RAB38: variants seen among roughly 807,000 people sequenced by gnomAD.
RAB38 encodes the protein RAB38, member RAS oncogene family.
RAB38 carries 15 observed loss-of-function variants against 18.4 expected under a neutral mutation model. The observed-to-expected ratio is 0.82, with a 90% confidence interval of 0.55 to 1.26. RAB38 has a LOEUF of 1.26. Among genes scored for constraint, RAB38 ranks in the 50% most tolerant of loss-of-function variants. RAB38 has a pLI of 0.00. For synonymous variants in RAB38, 101 were observed against 104.4 expected, an observed-to-expected ratio of 0.97 and a Z score of 0.20; for missense variants, 294 against 267.4, an observed-to-expected ratio of 1.10 and a Z score of -0.69.
chr11:87,933,373 A>G, the RAB38 span, among the ~76,000 whole-genome samples: 1 of 152,016 alleles, frequency 6.6e-6, no homozygotes, highest in Admixed American at 6.6e-5. Context: ...AGTTGATTTC[A>G]CTCACAGAAT....
chr11:87,905,815 G>A, the RAB38 span, among the ~76,000 whole-genome samples: 2 of 151,944 alleles, frequency 1.3e-5, no homozygotes, highest in Admixed American at 6.6e-5. Context: ...AAGCAATCTA[G>A]AGCTCCTTTT....
At chr11:88,049,152 C>T in the RAB38 span, among the ~76,000 whole-genome samples, 544 of 152,164 alleles carry the variant, frequency 3.6e-3, 6 homozygotes, top group African/African-American at 0.012. Context: ...CTCCATACCA[C>T]CCCAAAAAAA....
the RAB38 span, among the ~76,000 whole-genome samples, chr11:87,901,120 A>C: frequency 6.6e-6 from 1 of 151,658 alleles, no homozygotes; most frequent in Non-Finnish European, 1.5e-5. Flanking sequence ...AATCAATGGA[A>C]GTGATGTTAA....
At chr11:88,073,605 C>T in the RAB38 span, among the ~76,000 whole-genome samples, 5 of 152,034 alleles carry the variant, frequency 3.3e-5, no homozygotes, top group Non-Finnish European at 7.4e-5. Context: ...AATAATCCTT[C>T]AATGAAAAGA....
At chr11:88,118,677 T>A (rs1370066818) in intron 2 of RAB38, among the ~76,000 whole-genome samples, 1 of 152,222 alleles carries the variant, frequency 6.6e-6, no homozygotes, top group East Asian at 1.9e-4. Flanking sequence ...TGGATATCAC[T>A]GTGATTTATT....
At chr11:88,099,260 A>C in the RAB38 span, among the ~76,000 whole-genome samples, 1,335 of 152,024 alleles carry the variant, frequency 8.8e-3, 12 homozygotes, top group Non-Finnish European at 0.014. Flanking sequence ...AAATGGTGAA[A>C]ATGAACTCTT....
At chr11:87,807,995 G>T in the RAB38 span, among the ~76,000 whole-genome samples, 234 of 152,326 alleles carry the variant, frequency 1.5e-3, no homozygotes, top group African/African-American at 5.1e-3. Context: ...TTGACAGAGA[G>T]GAACTGTGTG....
the RAB38 span, among the ~76,000 whole-genome samples, chr11:88,083,257 A>G: frequency 6.6e-6 from 1 of 151,776 alleles, no homozygotes; most frequent in Non-Finnish European, 1.5e-5. Flanking sequence ...TTTTCTTAAT[A>G]TTTCCCCGAA....
the RAB38 span, among the ~76,000 whole-genome samples, chr11:87,804,364 G>A: frequency 6.6e-6 from 1 of 152,082 alleles, no homozygotes; most frequent in Non-Finnish European, 1.5e-5. Flanking sequence ...GGTGTCTTCA[G>A]CACTAGTCTT....
chr11:88,045,257 C>T, the RAB38 span, among the ~76,000 whole-genome samples: 1 of 152,182 alleles, frequency 6.6e-6, no homozygotes, highest in Non-Finnish European at 1.5e-5. Context: ...GGCCCCCAAA[C>T]CCCACAACAG....
At chr11:87,878,266 CT>C in the RAB38 span, among the ~76,000 whole-genome samples, 3 of 123,350 alleles carry the variant, frequency 2.4e-5, no homozygotes, top group African/African-American at 9.9e-5. Flanking sequence ...ATCTATCTAT[CT>C]ATCTATCTAT....
intron 1 of RAB38, among the ~76,000 whole-genome samples, chr11:88,171,127 A>C (rs1467595028): frequency 6.6e-6 from 1 of 152,264 alleles, no homozygotes; most frequent in Non-Finnish European, 1.5e-5. Context: ...GACAACAGGA[A>C]TAATAGCTAA....
chr11:87,896,743 C>T, the RAB38 span, among the ~76,000 whole-genome samples: 1 of 151,554 alleles, frequency 6.6e-6, no homozygotes, highest in Non-Finnish European at 1.5e-5. Flanking sequence ...ATCGTATTGA[C>T]CCTCAATTTC....
chr11:88,114,820 G>A (rs1424356725), intron 2 of RAB38, among the ~76,000 whole-genome samples: 1 of 152,204 alleles, frequency 6.6e-6, no homozygotes, highest in South Asian at 2.1e-4. Context: ...ATCAAGTAGA[G>A]GCAAGTATCC....
the RAB38 span, among the ~76,000 whole-genome samples, chr11:88,038,426 A>G: frequency 6.6e-6 from 1 of 152,198 alleles, no homozygotes; most frequent in Non-Finnish European, 1.5e-5. Context: ...TTTGCTTATC[A>G]TCATTTATCA....
the RAB38 span, among the ~76,000 whole-genome samples, chr11:87,850,714 C>CCACACACACACACACACA: frequency 1.4e-5 from 2 of 146,408 alleles, no homozygotes; most frequent in Admixed American, 1.4e-4. Flanking sequence ...CACAACACTG[C>CCACACACACACACACACA]CACACACACA....
At chr11:88,136,463 G>A (rs1942835695) in intron 2 of RAB38, among the ~76,000 whole-genome samples, 1 of 151,834 alleles carries the variant, frequency 6.6e-6, no homozygotes, top group Non-Finnish European at 1.5e-5. Context: ...AGAAGGAGAG[G>A]GCAAACGTGT....
At chr11:88,084,254 G>GA in the RAB38 span, among the ~76,000 whole-genome samples, 1 of 151,662 alleles carries the variant, frequency 6.6e-6, no homozygotes, top group Non-Finnish European at 1.5e-5. Flanking sequence ...CCCTGTGGTT[G>GA]AACGAGGAGA....
the RAB38 span, among the ~76,000 whole-genome samples, chr11:87,882,791 ATTTTC>A: frequency 6.6e-6 from 1 of 151,654 alleles, no homozygotes; most frequent in Non-Finnish European, 1.5e-5. Context: ...GAGGTAACCT[ATTTTC>A]TTAAGGAGAA....
Sources: allele counts gnomAD v4.1 joint callset (sites outside exome capture counted in the v4.1 genomes callset), GRCh38; gene constraint gnomAD v4.1.1; transcripts MANE v1.5; gene names NCBI Gene and HGNC (gene_info 2026-07-23, HGNC 2026-07-21).